Variants in MB21D2 observed in about 807,000 individuals in gnomAD.
MB21D2 encodes nucleotidyltransferase MB21D2.
MB21D2 carries 9 observed loss-of-function variants against 33.3 expected under a neutral mutation model. That is an observed-to-expected ratio of 0.27 (90% CI 0.16 to 0.47). The LOEUF (loss-of-function observed/expected upper bound fraction) is 0.47. Ranked by LOEUF, MB21D2 falls within the 20% of genes least tolerant of loss-of-function variation. The pLI is 0.99. For missense variants in MB21D2, 540 were observed against 624.6 expected (o/e 0.86, Z 1.44); for synonymous variants, 241 against 236.3 (o/e 1.02, Z -0.18).
chr3:192,838,567 T>C (rs1415612397), intron 1 of MB21D2, among the ~76,000 whole-genome samples: 12 of 151,644 alleles, frequency 7.9e-5, no homozygotes. Context: ...TGGCTGGGAC[T>C]ACAGGCGCCC....
chr3:192,872,359 G>A (rs963436925), intron 1 of MB21D2, among the ~76,000 whole-genome samples: 9 of 152,056 alleles, frequency 5.9e-5, no homozygotes, highest in Admixed American at 1.3e-4. Flanking sequence ...GGCAGATCAC[G>A]AGGTCAGGAG....
rs62293232 is a variant in MB21D2 at position 192,884,515 on chromosome 3, C to T, written c.211+33115G>A. ...CCGAGTAGCTGGGACTACAGGCGCC[C>T]GCCACCACGCCCGGCTAATTTTTTG... On this transcript the variant is annotated intron_variant, in intron 1 of 1. Coordinates refer to ENST00000392452, the MANE Select transcript of MB21D2 (RefSeq NM_178496.4). Among the ~76,000 whole-genome samples, 1,345 of 139,884 alleles carry T rather than the reference C, an allele frequency of 9.6e-3. 11 individuals carry two copies. The highest frequency in any genetic ancestry group is 0.013 in the Non-Finnish European group (805 of 64,292). 91.8% of individuals were successfully genotyped at this position (139,884 alleles called of 152,430 possible).
intron 1 of MB21D2, among the ~76,000 whole-genome samples, chr3:192,906,512 T>C (rs1419483647): frequency 6.6e-6 from 1 of 152,176 alleles, no homozygotes; most frequent in African/African-American, 2.4e-5. Flanking sequence ...CTGCTGTCTG[T>C]CTACCTGGAA....
At chr3:192,870,111 G>A (rs562528351) in intron 1 of MB21D2, among the ~76,000 whole-genome samples, 77 of 152,240 alleles carry the variant, frequency 5.1e-4, no homozygotes, top group Non-Finnish European at 9.9e-4. Context: ...GCCCACGACT[G>A]CTTAGACACA....
intron 1 of MB21D2, among the ~76,000 whole-genome samples, chr3:192,914,733 T>A (rs1281912031): frequency 6.6e-6 from 1 of 151,814 alleles, no homozygotes; most frequent in East Asian, 1.9e-4. Flanking sequence ...AGAATCTCTG[T>A]ACAAACAGAG....
At chr3:192,908,273 G>A (rs1282278657) in intron 1 of MB21D2, among the ~76,000 whole-genome samples, 1 of 152,158 alleles carries the variant, frequency 6.6e-6, no homozygotes, top group Non-Finnish European at 1.5e-5. Flanking sequence ...CCTACTATGT[G>A]CATGACCCCC....
chr3:192,877,176 G>A (rs979518261), intron 1 of MB21D2, among the ~76,000 whole-genome samples: 9 of 152,140 alleles, frequency 5.9e-5, no homozygotes, highest in Non-Finnish European at 1.0e-4. Context: ...CAGAAACCTT[G>A]GCTGAACACA....
At chr3:192,900,307 A>AAAAAAAG (rs1560255280) in intron 1 of MB21D2, among the ~76,000 whole-genome samples, 3 of 143,106 alleles carry the variant, frequency 2.1e-5, no homozygotes, top group African/African-American at 5.2e-5. Context: ...AAAAAAAAAA[A>AAAAAAAG]ATCACAGAAA....
At chr3:192,893,189 C>A (rs1461798499) in intron 1 of MB21D2, among the ~76,000 whole-genome samples, 1 of 152,172 alleles carries the variant, frequency 6.6e-6, no homozygotes, top group East Asian at 1.9e-4. Flanking sequence ...ATGAGTCACT[C>A]TTCTGAGAGC....
intron 1 of MB21D2, among the ~76,000 whole-genome samples, chr3:192,808,077 T>C (rs1711704947): frequency 6.6e-6 from 1 of 152,198 alleles, no homozygotes; most frequent in Non-Finnish European, 1.5e-5. Flanking sequence ...AAGAAGGCTC[T>C]GGGCATTCTC....
At chr3:192,830,241 AGTGTGTGTGTGTGT>A (rs34472117) in intron 1 of MB21D2, among the ~76,000 whole-genome samples, 12 of 146,468 alleles carry the variant, frequency 8.2e-5, no homozygotes, top group South Asian at 2.4e-4. Flanking sequence ...AGTGTGTGTG[AGTGTGTGTGTGTGT>A]GTGTGTGTGT....
chr3:192,884,733 T>C (rs1713695404), intron 1 of MB21D2, among the ~76,000 whole-genome samples: 1 of 152,072 alleles, frequency 6.6e-6, no homozygotes, highest in East Asian at 1.9e-4. Flanking sequence ...ATGGAGCCTC[T>C]TTTTCTCTAT....
chr3:192,899,573 A>T (rs1714049684), intron 1 of MB21D2, among the ~76,000 whole-genome samples: 1 of 152,194 alleles, frequency 6.6e-6, no homozygotes, highest in African/African-American at 2.4e-5. Flanking sequence ...TAATGGGTTC[A>T]GGCGTACTTA....
At chr3:192,850,944 A>G (rs1712789252) in intron 1 of MB21D2, among the ~76,000 whole-genome samples, 1 of 152,192 alleles carries the variant, frequency 6.6e-6, no homozygotes, top group African/African-American at 2.4e-5. Context: ...TAAGGTTAAG[A>G]GCACAGACTC....
intron 1 of MB21D2, among the ~76,000 whole-genome samples, chr3:192,897,184 C>CA (rs1196275039): frequency 2.0e-5 from 3 of 152,088 alleles, no homozygotes; most frequent in African/African-American, 7.2e-5. Flanking sequence ...ACAAAGGTTG[C>CA]ATAGCTTGTT....
intron 1 of MB21D2, among the ~76,000 whole-genome samples, chr3:192,836,441 G>C (rs1283495096): frequency 6.6e-6 from 1 of 152,144 alleles, no homozygotes; most frequent in East Asian, 1.9e-4. Flanking sequence ...ATTGTATTTG[G>C]AAATACAGCC....
chr3:192,851,669 A>AT (rs35907656), intron 1 of MB21D2, among the ~76,000 whole-genome samples: 25 of 149,620 alleles, frequency 1.7e-4, no homozygotes, highest in South Asian at 4.3e-4. Flanking sequence ...TAATTTTTGT[A>AT]TTTTTTTTTT....
chr3:192,853,467 G>A (rs1284011127), intron 1 of MB21D2, among the ~76,000 whole-genome samples: 2 of 152,208 alleles, frequency 1.3e-5, no homozygotes, highest in African/African-American at 4.8e-5. Flanking sequence ...GTGCCCCTAA[G>A]TACCTAAGTA....
chr3:192,838,952 C>T (rs189874368), intron 1 of MB21D2, among the ~76,000 whole-genome samples: 32 of 152,294 alleles, frequency 2.1e-4, no homozygotes, highest in African/African-American at 7.5e-4. Flanking sequence ...ACATAGTGTA[C>T]TGAGTTACAA....
Sources: allele counts gnomAD v4.1 joint callset (sites outside exome capture counted in the v4.1 genomes callset), GRCh38; gene constraint gnomAD v4.1.1; transcripts MANE v1.5; gene names NCBI Gene and HGNC (gene_info 2026-07-23, HGNC 2026-07-21).